Variants in TBC1D14 observed in about 807,000 individuals in gnomAD.
TBC1D14 encodes the protein TBC1 domain family, member 14.
In TBC1D14, 26 loss-of-function variants were observed where a neutral mutation model predicts 79.0. The observed-to-expected ratio is 0.33, with a 90% confidence interval of 0.24 to 0.46. TBC1D14 has a LOEUF of 0.46. Ranked by LOEUF, TBC1D14 falls within the 20% of genes least tolerant of loss-of-function variation. The pLI is 1.00. For missense variants in TBC1D14, 769 were observed against 887.6 expected, an observed-to-expected ratio of 0.87 and a Z score of 1.70; for synonymous variants, 394 against 349.9, an observed-to-expected ratio of 1.13 and a Z score of -1.40.
chr4:6,957,959 T>TA (rs1560281646), intron 2 of TBC1D14, among the ~76,000 whole-genome samples: 2 of 151,548 alleles, frequency 1.3e-5, no homozygotes, highest in African/African-American at 2.4e-5. Flanking sequence ...TTTTTTTTTT[T>TA]ATGGGCTGTT....
chr4:6,949,924 C>T (rs1713869633), intron 2 of TBC1D14, among the ~76,000 whole-genome samples: 1 of 151,814 alleles, frequency 6.6e-6, no homozygotes, highest in Non-Finnish European at 1.5e-5. Flanking sequence ...ACTTTAAGTT[C>T]TGGGATACAT....
chr4:6,954,475 C>G (rs1004426718), intron 2 of TBC1D14: 36 of 694,030 alleles, frequency 5.2e-5, no homozygotes, highest in Admixed American at 3.3e-4. Flanking sequence ...GGGTCTCCCC[C>G]GGTGTGAAAT....
chr4:6,978,398 G>A (rs557572036), intron 3 of TBC1D14, among the ~76,000 whole-genome samples: 1 of 150,606 alleles, frequency 6.6e-6, no homozygotes, highest in Non-Finnish European at 1.5e-5. Flanking sequence ...CTGTACTAAG[G>A]AAAATTCTTC....
intron 1 of TBC1D14, among the ~76,000 whole-genome samples, chr4:6,916,742 A>G (rs552780037): frequency 1.4e-3 from 208 of 152,232 alleles, no homozygotes; most frequent in Non-Finnish European, 2.6e-3. Flanking sequence ...GAATGGAAAC[A>G]GTCTTCCTCT....
At chr4:6,945,482 C>T (rs1713341466) in intron 2 of TBC1D14, among the ~76,000 whole-genome samples, 1 of 152,110 alleles carries the variant, frequency 6.6e-6, no homozygotes, top group African/African-American at 2.4e-5. Flanking sequence ...GTCGTGGTGG[C>T]TCACGCCTGT....
intron 2 of TBC1D14, among the ~76,000 whole-genome samples, chr4:6,933,288 TC>T (rs1711967064): frequency 1.9e-4 from 2 of 10,562 alleles, no homozygotes; most frequent in Non-Finnish European, 3.5e-4. Context: ...CCCTTCCCCT[TC>T]CCCTTCCCCT....
chr4:6,930,704 A>C (rs1338397897), intron 2 of TBC1D14, among the ~76,000 whole-genome samples: 2 of 151,772 alleles, frequency 1.3e-5, no homozygotes, highest in Non-Finnish European at 2.9e-5. Flanking sequence ...AGGCTGAGGC[A>C]GGAGAATGGC....
rs1262859611 is a variant in TBC1D14, at chr4:7,021,624, T to C, written c.1758-3380T>C. ...CAAAAAGAAAAGAGAAGAATTATGT[T>C]ATTTTGCATTAGTTGAAGTTGTACT... On this transcript the variant is annotated intron_variant, in intron 12 of 13. Transcript: ENST00000409757. Among the ~76,000 whole-genome samples, 7 of 152,086 alleles carry C rather than the reference T, an allele frequency of 4.6e-5. No individual in the cohort carries two copies. In the East Asian group the frequency reaches 1.4e-3, roughly 29 times the overall value.
At chr4:6,965,982 G>A (rs1372843485) in intron 2 of TBC1D14, among the ~76,000 whole-genome samples, 1 of 152,232 alleles carries the variant, frequency 6.6e-6, no homozygotes, top group Non-Finnish European at 1.5e-5. Context: ...GTAAGCATCT[G>A]TTGATCATTT....
At chr4:7,025,393 G>C (rs1158407442) in intron 13 of TBC1D14, 131 bp downstream of exon 13, 1 of 1,423,832 alleles carries the variant, frequency 7.0e-7, no homozygotes, top group Non-Finnish European at 9.3e-7. Flanking sequence ...GAACTGAGGG[G>C]GGCCGGGTGG....
Position 6,923,820 on chromosome 4 carries a change from C to T in TBC1D14, c.431C>T (p.Thr144Ile), listed in dbSNP as rs772814515. 1.9e-6 allele frequency: 3 copies of T among 1,614,082 alleles called. No individual in the cohort carries two copies. The African/African-American group carries it at 4.0e-5, about 22-fold the overall frequency. The change falls in exon 2 of 14, where the codon ACC becomes ATC. Residue 144 changes from threonine (T) to isoleucine (I), a missense_variant. Thr to Ile is a moderately conservative substitution (Grantham distance 89). Around this residue, in one of 2 missense-constraint regions of TBC1D14, gnomAD observed 402 missense variants for 393.2 expected, o/e 1.02. Transcript: ENST00000409757. ...GACTCGGTAAAGCTCTATAGCCCGA[C>T]CTCCAAAGCCCTGACCCGCAGCGAT... ...GYDSVKLYSP[T>I]SKALTRSDDV...
Position 6,981,006 on chromosome 4 carries a change from C to T in TBC1D14, c.844-13178C>T, listed in dbSNP as rs1417104127. The stretch of plus-strand genomic sequence containing the variant: ...CTGGGATTACAGGCGTGAGCCACCG[C>T]GCCCGGCCTCTGTCTCTTTTTTTTT... On this transcript the variant is annotated intron_variant, in intron 3 of 13. Transcript: ENST00000409757. Among the ~76,000 whole-genome samples the T allele has an allele frequency of 1.9e-4, 28 of 150,402 alleles. No homozygotes were observed. In the East Asian group the frequency reaches 3.3e-3, roughly 18 times the overall value.
intron 9 of TBC1D14, 122 bp downstream of exon 9, chr4:7,006,848 G>A: frequency 1.4e-6 from 1 of 715,804 alleles, no homozygotes; most frequent in Admixed American, 3.0e-5. Flanking sequence ...TAGGAGGTAG[G>A]GTGGATGTTA....
chr4:6,949,034 C>T (rs12504299), intron 2 of TBC1D14, among the ~76,000 whole-genome samples: 133,318 of 151,550 alleles, frequency 0.88, 58,684 homozygotes, highest in East Asian at 0.97. Flanking sequence ...ATTAGCCAGG[C>T]GTGGTGGCGC....
chr4:6,921,630 A>C, intron 1 of TBC1D14, among the ~76,000 whole-genome samples: 1 of 149,790 alleles, frequency 6.7e-6, no homozygotes, highest in East Asian at 2.0e-4. Flanking sequence ...GGTTCAAGTG[A>C]TTTTCCTGCC....
chr4:6,942,680 G>T (rs1242790992), intron 2 of TBC1D14, among the ~76,000 whole-genome samples: 1 of 152,170 alleles, frequency 6.6e-6, no homozygotes, highest in African/African-American at 2.4e-5. Flanking sequence ...GGAGGAGTGA[G>T]GCGGGGAAGG....
chr4:6,913,499 G>T (rs1420528676), intron 1 of TBC1D14, among the ~76,000 whole-genome samples: 1 of 152,224 alleles, frequency 6.6e-6, no homozygotes, highest in Non-Finnish European at 1.5e-5. Flanking sequence ...TTTGATGTCA[G>T]ATCTGGTTTG....
chr4:7,011,374 G>C (rs917425880), intron 11 of TBC1D14, among the ~76,000 whole-genome samples: 4 of 152,114 alleles, frequency 2.6e-5, no homozygotes, highest in African/African-American at 9.7e-5. Flanking sequence ...TCCCAGATAA[G>C]CCCTCTGCGC....
rs115370731 is a variant in TBC1D14 at position 6,918,446 on chromosome 4, C to G, written c.-17-4927C>G. Among the ~76,000 whole-genome samples, 582 of 152,312 alleles carry G rather than the reference C, an allele frequency of 3.8e-3. 3 individuals are homozygous for G. The highest frequency in any genetic ancestry group is 0.013 in the African/African-American group (525 of 41,562). On this transcript the variant is annotated intron_variant, in intron 1 of 13. Coordinates refer to ENST00000409757, the MANE Select transcript of TBC1D14 (RefSeq NM_020773.3). ...GTACTAGGAAGTAAAGGGAAGCACA[C>G]GTTCATTGGGCACCTGCTGTGTGTC... is the stretch of plus-strand genomic sequence containing the variant.
Sources: allele counts gnomAD v4.1 joint callset (sites outside exome capture counted in the v4.1 genomes callset), GRCh38; gene constraint gnomAD v4.1.1; regional missense constraint gnomAD v4.1.1; transcripts MANE v1.5; gene names NCBI Gene and HGNC (gene_info 2026-07-23, HGNC 2026-07-21).